The following CLEC2A variants were observed in gnomAD, a reference collection of about 807,000 sequenced individuals.
CLEC2A encodes C-type lectin domain family 2 member A, also known as keratinocyte-associated C-type lectin.
CLEC2A carries 19 observed loss-of-function variants against 18.6 expected under a neutral mutation model. That is an observed-to-expected ratio of 1.02 (90% CI 0.71 to 1.50). CLEC2A has a LOEUF of 1.50. Ranked by LOEUF, CLEC2A falls within the 40% of genes most tolerant of loss-of-function variation. The pLI, the probability that CLEC2A is intolerant of heterozygous loss-of-function variation, is 0.00. For missense variants in CLEC2A, 190 were observed against 207.9 expected (o/e 0.91, Z 0.53); for synonymous variants, 74 against 64.0 (o/e 1.16, Z -0.75).
chr12:9,909,534 C>T (rs1862951784), downstream of CLEC2A, among the ~76,000 whole-genome samples: 1 of 152,210 alleles, frequency 6.6e-6, no homozygotes, highest in Non-Finnish European at 1.5e-5. Flanking sequence ...GGTCATCTCA[C>T]AGCGGCTTGA....
At chr12:9,917,341 G>A (rs1000252515) in intron 3 of CLEC2A, among the ~76,000 whole-genome samples, 2 of 152,142 alleles carry the variant, frequency 1.3e-5, no homozygotes, top group Admixed American at 6.5e-5. Context: ...CTAACCAATA[G>A]TTATATCTGT....
chr12:9,914,562 C>A (rs1324750222), intron 4 of CLEC2A, among the ~76,000 whole-genome samples: 1 of 152,168 alleles, frequency 6.6e-6, no homozygotes, highest in Non-Finnish European at 1.5e-5. Context: ...TAATGCCACA[C>A]ATCTACAACC....
chr12:9,912,772 T>A (rs1017451563), downstream of CLEC2A, among the ~76,000 whole-genome samples: 4 of 152,146 alleles, frequency 2.6e-5, no homozygotes, highest in Admixed American at 6.5e-5. Context: ...CGCTCTTCTT[T>A]GCTGCAAAAG....
At chr12:9,883,544 C>T in the CLEC2A span, among the ~76,000 whole-genome samples, 3 of 152,162 alleles carry the variant, frequency 2.0e-5, no homozygotes, top group Non-Finnish European at 4.4e-5. Flanking sequence ...GTCTCCCTCC[C>T]TGGCATGTAT....
At chr12:9,907,190 C>A (rs1470574150) in intron 4 of CLEC2A, among the ~76,000 whole-genome samples, 2 of 152,106 alleles carry the variant, frequency 1.3e-5, no homozygotes, top group Non-Finnish European at 1.5e-5. Flanking sequence ...TGGGTAAGTA[C>A]CCCTAAAGCC....
At chr12:9,890,027 A>C in the CLEC2A span, among the ~76,000 whole-genome samples, 1 of 152,162 alleles carries the variant, frequency 6.6e-6, no homozygotes, top group East Asian at 1.9e-4. Context: ...CCTTTAAAAC[A>C]GCACCAATAA....
At chr12:9,895,611 G>C, downstream of CLEC2A, 1 of 1,357,810 alleles carries the variant, frequency 7.4e-7, no homozygotes, top group South Asian at 1.5e-5. Flanking sequence ...ACCTATAAAA[G>C]TTTGGCTGGA....
chr12:9,910,883 G>T (rs1420531146), downstream of CLEC2A, among the ~76,000 whole-genome samples: 1 of 152,148 alleles, frequency 6.6e-6, no homozygotes, highest in East Asian at 1.9e-4. Context: ...CCCCAGAGGA[G>T]AAAGGGTATC....
chr12:9,905,985 C>CAGGACA (rs1405518514), intron 4 of CLEC2A, among the ~76,000 whole-genome samples: 1 of 151,542 alleles, frequency 6.6e-6, no homozygotes, highest in African/African-American at 2.4e-5. Context: ...GGATTTCTTC[C>CAGGACA]CCCAAGTGGT....
rs11053516 is a variant in CLEC2A at position 9,931,423 on chromosome 12, A to G, written c.55+852T>C. ...TTCTAAATAGAACATCCTTAAATTA[A>G]AATGGAAAGTCTTCTAAGACAGAGA... is the stretch of plus-strand genomic sequence containing the variant. On this transcript the variant is annotated intron_variant, in intron 1 of 4. Coordinates refer to ENST00000455827, the MANE Select transcript of CLEC2A (RefSeq NM_001130711.2). Among the ~76,000 whole-genome samples, 362 of 152,328 alleles carry G rather than the reference A, an allele frequency of 2.4e-3. 1 individual carries two copies. Among genetic ancestry groups the G allele is most frequent in the African/African-American group, 8.3e-3 (346 of 41,576 alleles).
the CLEC2A span, among the ~76,000 whole-genome samples, chr12:9,888,095 T>A: frequency 5.3e-3 from 393 of 73,470 alleles, no homozygotes; most frequent in Middle Eastern, 8.2e-3. Context: ...GTAATAAAAA[T>A]GAAAAAAAAA....
At chr12:9,907,863 C>G (rs1463957169) in intron 4 of CLEC2A, among the ~76,000 whole-genome samples, 2 of 152,052 alleles carry the variant, frequency 1.3e-5, no homozygotes, top group Admixed American at 1.3e-4. Flanking sequence ...AGGACAGGCC[C>G]AAAAGGTATC....
At chr12:9,925,189 T>C (rs1450070876) in intron 2 of CLEC2A, among the ~76,000 whole-genome samples, 4 of 152,250 alleles carry the variant, frequency 2.6e-5, no homozygotes. Context: ...ACTAAACGCA[T>C]GTGCTTTGCT....
the CLEC2A span, among the ~76,000 whole-genome samples, chr12:9,886,222 T>C: frequency 6.6e-6 from 1 of 152,164 alleles, no homozygotes; most frequent in Non-Finnish European, 1.5e-5. Flanking sequence ...TATGTGTGTT[T>C]CTATAAAATT....
In CLEC2A at chr12:9,916,762, A is replaced by G. The variant is rs138190578; in HGVS notation, c.348T>C (p.Ile116=). 85 of 1,551,504 alleles carry G rather than the reference A, an allele frequency of 5.5e-5. No homozygotes were observed. The East Asian group carries it at 2.0e-3, about 37-fold the overall frequency. The stretch of plus-strand genomic sequence containing the variant: ...AATCTCCTTGTTTCCTGCTTAGTCC[A>G]ATCCAGTGCATATCAGTTCCTGCGT... The part of the protein sequence containing the change: ...KRYAGTDMHW[I]GLSRKQGDSW... The change falls in exon 4 of 5, where the codon ATT becomes ATC. Residue 116 remains isoleucine (I), a synonymous_variant. Coordinates refer to ENST00000455827, the MANE Select transcript of CLEC2A (RefSeq NM_001130711.2).
chr12:9,890,706 G>A, the CLEC2A span, among the ~76,000 whole-genome samples: 3 of 152,074 alleles, frequency 2.0e-5, no homozygotes, highest in Non-Finnish European at 4.4e-5. Context: ...CAACAGATGG[G>A]GACTCTTCTT....
At chr12:9,895,419 A>G (rs1304238267), downstream of CLEC2A, among the ~76,000 whole-genome samples, 3 of 152,186 alleles carry the variant, frequency 2.0e-5, no homozygotes, top group Non-Finnish European at 4.4e-5. Context: ...GAAATAGAAT[A>G]CTCAGGTCTT....
chr12:9,928,066 T>G (rs2137056517), intron 1 of CLEC2A, among the ~76,000 whole-genome samples: 2 of 152,330 alleles, frequency 1.3e-5, no homozygotes, highest in Middle Eastern at 6.8e-3. Context: ...ATACAATTTC[T>G]AGAAAACATA....
chr12:9,882,010 TTA>T, the CLEC2A span, among the ~76,000 whole-genome samples: 5 of 151,914 alleles, frequency 3.3e-5, no homozygotes, highest in Non-Finnish European at 5.9e-5. Flanking sequence ...ATATATATGC[TTA>T]TATATATATT....
Sources: gnomAD v4.1 joint callset for allele counts (sites outside exome capture counted in the v4.1 genomes callset) on GRCh38, gnomAD v4.1.1 for gene constraint, MANE v1.5 for transcripts, NCBI Gene and HGNC (gene_info 2026-07-23, HGNC 2026-07-21) for gene names.